The following LAMA4 variants were observed in gnomAD, a reference collection of about 807,000 sequenced individuals.
The protein encoded by LAMA4 is laminin subunit alpha 4, also known as laminin subunit alpha-4.
LAMA4 carries 127 observed loss-of-function variants against 207.1 expected under a neutral mutation model. That is an observed-to-expected ratio of 0.61 (90% CI 0.53 to 0.71). The LOEUF is 0.71. Ranked by LOEUF, LAMA4 falls within the 30% of genes least tolerant of loss-of-function variation. LAMA4 has a pLI of 0.00. For missense variants in LAMA4, 2,093 were observed against 2,246.5 expected (o/e 0.93, Z 1.38); for synonymous variants, 761 against 816.0 (o/e 0.93, Z 1.15).
At chr6:112,205,088 T>C (rs896270004) in intron 4 of LAMA4, among the ~76,000 whole-genome samples, 4 of 152,204 alleles carry the variant, frequency 2.6e-5, no homozygotes, top group Non-Finnish European at 4.4e-5. Context: ...TAGTAAGCAT[T>C]CAGATTTTAA....
rs1336262401 is a variant in LAMA4, at chr6:112,131,102, CT to C, written c.3835-2del. 1 of 1,612,746 alleles carries C rather than the reference CT, an allele frequency of 6.2e-7. No individual in the cohort carries two copies. Among genetic ancestry groups the C allele is most frequent in the Non-Finnish European group, 8.5e-7 (1 of 1,179,102 alleles). On this transcript the variant is annotated splice_acceptor_variant, in intron 28 of 38. Coordinates refer to ENST00000230538, the MANE Select transcript of LAMA4 (RefSeq NM_001105206.3). LOFTEE classifies it high-confidence loss of function. ...CCAGTGAGATGGAGAACACGTCTGA[CT>C]GAAATGCAAGCACAGGCATGTAAGT...
At chr6:112,172,180 G>A (rs1273534113) in intron 12 of LAMA4, 1 of 214,930 alleles carries the variant, frequency 4.7e-6, no homozygotes, top group Non-Finnish European at 9.4e-6. Context: ...GCATGGCCTT[G>A]GCAATTAGTC....
chr6:112,124,377 G>C (rs1778552629), intron 31 of LAMA4, among the ~76,000 whole-genome samples: 1 of 152,186 alleles, frequency 6.6e-6, no homozygotes, highest in South Asian at 2.1e-4. Flanking sequence ...TATGTAGGCT[G>C]CATCACTCAT....
chr6:112,245,352 A>C (rs1786834012), intron 2 of LAMA4, among the ~76,000 whole-genome samples: 1 of 151,978 alleles, frequency 6.6e-6, no homozygotes, highest in East Asian at 1.9e-4. Context: ...CTTACTAGAC[A>C]TTTCTCTTCC....
chr6:112,141,237 G>T, intron 21 of LAMA4, 121 bp downstream of exon 21: 1 of 1,001,840 alleles, frequency 1.0e-6, no homozygotes, highest in Non-Finnish European at 1.6e-6. Context: ...GGAGGAAAAT[G>T]CTATTTATAA....
At chr6:112,185,672 T>C (rs1782644102) in intron 8 of LAMA4, among the ~76,000 whole-genome samples, 1 of 152,204 alleles carries the variant, frequency 6.6e-6, no homozygotes, top group African/African-American at 2.4e-5. Context: ...GTGTCTGAGC[T>C]TTAGAATTTT....
At chr6:112,157,547 G>C (rs1780792331) in intron 14 of LAMA4, among the ~76,000 whole-genome samples, 1 of 152,292 alleles carries the variant, frequency 6.6e-6, no homozygotes. Context: ...AAAAGGACTT[G>C]AGGGTGATTG....
intron 38 of LAMA4, among the ~76,000 whole-genome samples, chr6:112,111,412 G>A (rs1318793163): frequency 1.3e-5 from 2 of 152,184 alleles, no homozygotes; most frequent in African/African-American, 4.8e-5. Context: ...CTTTTTTGGT[G>A]TGTAGTTCTA....
chr6:112,249,278 A>C (rs530509320), intron 2 of LAMA4, among the ~76,000 whole-genome samples: 3 of 152,036 alleles, frequency 2.0e-5, no homozygotes, highest in East Asian at 3.9e-4. Context: ...CCCTGTCTCT[A>C]CTAAAATACG....
In LAMA4 at chr6:112,108,477, G is replaced by T. The variant is rs1044921870; in HGVS notation, c.*960C>A. On this transcript the variant is annotated 3_prime_UTR_variant, in exon 39 of 39. Transcript: ENST00000230538. ...TTGCCCAGGCTGGAGTGCAGGTACA[G>T]TCAGCAGTCATAGCTCACTGCAGCC... Among the ~76,000 whole-genome samples the T allele has an allele frequency of 6.6e-6, 1 of 151,972 alleles. No individual in the cohort carries two copies. Among genetic ancestry groups the T allele is most frequent in the Non-Finnish European group, 1.5e-5 (1 of 67,970 alleles).
At chr6:112,227,045 A>T (rs868908011) in intron 2 of LAMA4, among the ~76,000 whole-genome samples, 12 of 85,408 alleles carry the variant, frequency 1.4e-4, no homozygotes, top group African/African-American at 5.3e-4. Flanking sequence ...CGACTATTTT[A>T]TTTATTTATT....
chr6:112,154,018 A>G (rs927630370), intron 16 of LAMA4, among the ~76,000 whole-genome samples: 1 of 152,144 alleles, frequency 6.6e-6, no homozygotes, highest in South Asian at 2.1e-4. Flanking sequence ...TGAGGTTTTT[A>G]GTTTCAAACT....
intron 5 of LAMA4, among the ~76,000 whole-genome samples, chr6:112,194,111 C>T (rs1444384133): frequency 2.0e-5 from 3 of 152,204 alleles, no homozygotes; most frequent in Non-Finnish European, 4.4e-5. Context: ...TATAGGCCTG[C>T]AGGTCCCTAA....
chr6:112,194,189 CCAAA>C (rs1554349880), intron 5 of LAMA4, among the ~76,000 whole-genome samples: 1 of 152,166 alleles, frequency 6.6e-6, no homozygotes, highest in Non-Finnish European at 1.5e-5. Context: ...CTGAAGTTCA[CCAAA>C]CAGAGAATAT....
chr6:112,212,011 A>T (rs1436556122), intron 3 of LAMA4, among the ~76,000 whole-genome samples: 1 of 151,976 alleles, frequency 6.6e-6, no homozygotes, highest in African/African-American at 2.4e-5. Flanking sequence ...GTGGGAAGGG[A>T]TAGAAGAGAG....
At chr6:112,200,870 C>T (rs550606435) in intron 5 of LAMA4, among the ~76,000 whole-genome samples, 7 of 151,016 alleles carry the variant, frequency 4.6e-5, no homozygotes, top group African/African-American at 7.3e-5. Flanking sequence ...CATCACATAC[C>T]GGGGCCTGTC....
intron 14 of LAMA4, among the ~76,000 whole-genome samples, chr6:112,157,040 A>G (rs1780760127): frequency 6.6e-6 from 1 of 152,184 alleles, no homozygotes; most frequent in South Asian, 2.1e-4. Context: ...AAAGGAACCC[A>G]CCAAGGCAAA....
chr6:112,183,950 CAAAAA>C (rs782424211), intron 9 of LAMA4, among the ~76,000 whole-genome samples: 5 of 81,732 alleles, frequency 6.1e-5, no homozygotes, highest in African/African-American at 2.3e-4. Context: ...GACTCCATCT[CAAAAA>C]AAAAAAAAAA....
intron 31 of LAMA4, 89 bp downstream of exon 31, chr6:112,128,833 T>A: frequency 8.8e-7 from 1 of 1,135,468 alleles, no homozygotes; most frequent in Non-Finnish European, 1.3e-6. Flanking sequence ...TTGCAAAGTA[T>A]CAAGTCAATT....
Sources: gnomAD v4.1 joint callset for allele counts (sites outside exome capture counted in the v4.1 genomes callset) on GRCh38, gnomAD v4.1.1 for gene constraint, MANE v1.5 for transcripts, NCBI Gene and HGNC (gene_info 2026-07-23, HGNC 2026-07-21) for gene names.